The following LIMCH1 variants were observed in gnomAD, a reference collection of about 807,000 sequenced individuals.
LIMCH1 encodes the protein LIM and calponin homology domains 1.
LIMCH1 carries 113 observed loss-of-function variants against 176.5 expected under a neutral mutation model. The observed-to-expected ratio is 0.64, with a 90% CI of 0.55 to 0.75. The LOEUF (loss-of-function observed/expected upper bound fraction) is 0.75. Ranked by LOEUF, LIMCH1 falls within the 30% of genes least tolerant of loss-of-function variation. The probability of loss-of-function intolerance (pLI) is 0.00; values close to 1 mark genes in which losing one functional copy is unlikely to be tolerated. For missense variants in LIMCH1, 1,674 were observed against 1,814.9 expected (o/e 0.92, Z 1.41); for synonymous variants, 619 against 645.9 (o/e 0.96, Z 0.63).
chr4:41,421,318 G>A (rs73136613), intron 1 of LIMCH1, among the ~76,000 whole-genome samples: 12,360 of 152,194 alleles, frequency 0.081, 1,436 homozygotes, highest in African/African-American at 0.25. Flanking sequence ...CTTAAATGGC[G>A]GGGAGAGAGA....
At chr4:41,547,336 G>A (rs894935657) in intron 1 of LIMCH1, among the ~76,000 whole-genome samples, 2 of 151,852 alleles carry the variant, frequency 1.3e-5, no homozygotes, top group Non-Finnish European at 2.9e-5. Context: ...CTTAGCCTCC[G>A]GTAACCCCCA....
intron 1 of LIMCH1, among the ~76,000 whole-genome samples, chr4:41,488,486 C>T (rs942285855): frequency 6.6e-6 from 1 of 151,774 alleles, no homozygotes; most frequent in Non-Finnish European, 1.5e-5. Context: ...ATTTTCTTAC[C>T]CTCCCTCAAA....
At chr4:41,453,076 T>C (rs1019570085) in intron 1 of LIMCH1, among the ~76,000 whole-genome samples, 7 of 152,212 alleles carry the variant, frequency 4.6e-5, no homozygotes, top group Admixed American at 3.9e-4. Flanking sequence ...GTACCTAACG[T>C]AGGTTGTTTA....
chr4:41,642,835 T>C (rs1341414516), intron 14 of LIMCH1, among the ~76,000 whole-genome samples: 1 of 151,594 alleles, frequency 6.6e-6, no homozygotes, highest in Non-Finnish European at 1.5e-5. Flanking sequence ...CACCTTGGCC[T>C]CCCAGAGTGC....
At position 41,618,899 on chromosome 4, in the gene LIMCH1, A is replaced by G. The variant is rs188677535; in HGVS notation, c.206-289A>G. Among the ~76,000 whole-genome samples the G allele has an allele frequency of 6.6e-5, 10 of 152,234 alleles. No individual in the cohort carries two copies. The East Asian group carries it at 1.9e-3, about 29-fold the overall frequency. On this transcript the variant is annotated intron_variant, in intron 5 of 31. Coordinates refer to ENST00000503057, the MANE Select transcript of LIMCH1 (RefSeq NM_001330672.2). ...GTAGCAGAATCTCAGGAGGCATAAA[A>G]TCCTATTGCAGATGTGTTGCTAATT...
At chr4:41,490,903 G>T (rs943752136) in intron 1 of LIMCH1, among the ~76,000 whole-genome samples, 39 of 150,666 alleles carry the variant, frequency 2.6e-4, no homozygotes, top group Non-Finnish European at 8.9e-5. Context: ...AGACGGGGCG[G>T]CCAGGCAGAG....
intron 1 of LIMCH1, among the ~76,000 whole-genome samples, chr4:41,407,329 AG>A (rs2059066237): frequency 1.3e-5 from 2 of 152,168 alleles, no homozygotes; most frequent in Non-Finnish European, 2.9e-5. Flanking sequence ...GCTGGGCTCA[AG>A]CGATCCTCCC....
At chr4:41,617,605 C>T (rs2092230745) in intron 5 of LIMCH1, among the ~76,000 whole-genome samples, 2 of 152,104 alleles carry the variant, frequency 1.3e-5, no homozygotes, top group Non-Finnish European at 2.9e-5. Flanking sequence ...ATGAAATGGT[C>T]AAAACTTCAG....
intron 1 of LIMCH1, among the ~76,000 whole-genome samples, chr4:41,593,213 A>G (rs998098224): frequency 6.6e-6 from 1 of 152,246 alleles, no homozygotes; most frequent in Non-Finnish European, 1.5e-5. Context: ...GGGCAAGCCC[A>G]CAAATCAATG....
intron 1 of LIMCH1, among the ~76,000 whole-genome samples, chr4:41,570,134 T>C (rs2083337422): frequency 6.6e-6 from 1 of 152,200 alleles, no homozygotes; most frequent in Non-Finnish European, 1.5e-5. Context: ...ACGGTATCCT[T>C]GGCAATGTAC....
intron 28 of LIMCH1, among the ~76,000 whole-genome samples, chr4:41,686,268 A>G (rs150882675): frequency 1.1e-3 from 163 of 152,302 alleles, no homozygotes; most frequent in Non-Finnish European, 1.4e-3. Flanking sequence ...AATAGTTTCT[A>G]TCGTGTTTGA....
intron 1 of LIMCH1, among the ~76,000 whole-genome samples, chr4:41,557,787 C>T (rs2081479910): frequency 1.3e-5 from 2 of 152,084 alleles, no homozygotes; most frequent in African/African-American, 2.4e-5. Flanking sequence ...GTGCCAAGGG[C>T]GGTTCTAAAC....
chr4:41,458,430 G>A (rs2064881617), intron 1 of LIMCH1, among the ~76,000 whole-genome samples: 1 of 152,114 alleles, frequency 6.6e-6, no homozygotes, highest in South Asian at 2.1e-4. Context: ...ACATAGTTCA[G>A]TTTGGGTTTG....
At chr4:41,648,658 G>GGT (rs71650941) in intron 17 of LIMCH1, among the ~76,000 whole-genome samples, 16,770 of 135,206 alleles carry the variant, frequency 0.12, 1,009 homozygotes, top group East Asian at 0.16. Context: ...AAGGGGTAGG[G>GGT]GTGTGTGTGT....
intron 2 of LIMCH1, among the ~76,000 whole-genome samples, chr4:41,521,296 C>T (rs1419501840): frequency 6.6e-6 from 1 of 152,098 alleles, no homozygotes; most frequent in Non-Finnish European, 1.5e-5. Context: ...ATCTTCATAT[C>T]TGTTTGGGGT....
chr4:41,473,530 T>C (rs944900534), intron 1 of LIMCH1, among the ~76,000 whole-genome samples: 1 of 152,222 alleles, frequency 6.6e-6, no homozygotes, highest in African/African-American at 2.4e-5. Flanking sequence ...TCAGGGCCTT[T>C]ATCTCACCCT....
chr4:41,473,004 G>A (rs1307472484), intron 1 of LIMCH1: 1 of 983,162 alleles, frequency 1.0e-6, no homozygotes, highest in African/African-American at 1.8e-5. Flanking sequence ...CTCCTCGGTA[G>A]GCCAGAGAAT....
chr4:41,682,369 C>G lies in LIMCH1; in HGVS notation c.3754C>G (p.Gln1252Glu). 6.2e-7 allele frequency: 1 copy of G among 1,612,402 alleles called. No homozygotes were observed. The highest frequency in any genetic ancestry group is 8.5e-7 in the Non-Finnish European group (1 of 1,178,752). ...CCTGGGAAACTGTCAAGATGAAAAA[C>G]AAGACAGAAGATGGAAGAAATCATT... is the stretch of plus-strand genomic sequence containing the variant. Reference protein sequence around the residue: ...IDLGNCQDEKQDRRWKKSFQG... With the variant: ...IDLGNCQDEKEDRRWKKSFQG... Residue 1252 changes from glutamine to glutamate, a missense_variant, in exon 26 of 32, where the codon CAA (glutamine) becomes GAA (glutamate). This residue lies in a region of LIMCH1 where 1,015 missense variants were observed against 1,102.5 expected (regional missense o/e 0.92). Transcript: ENST00000503057.
intron 1 of LIMCH1, among the ~76,000 whole-genome samples, chr4:41,453,372 C>G (rs1217251809): frequency 1.3e-5 from 2 of 152,202 alleles, no homozygotes; most frequent in Non-Finnish European, 2.9e-5. Flanking sequence ...GACCAGAAGC[C>G]TTACTGATAA....
Sources: gnomAD v4.1 joint callset for allele counts (sites outside exome capture counted in the v4.1 genomes callset) on GRCh38, gnomAD v4.1.1 for gene constraint, gnomAD v4.1.1 regional missense constraint, MANE v1.5 for transcripts, NCBI Gene and HGNC (gene_info 2026-07-23, HGNC 2026-07-21) for gene names.